The following MDGA2 variants were observed in gnomAD, a reference collection of about 807,000 sequenced individuals.
The protein encoded by MDGA2 is MAM domain-containing glycosylphosphatidylinositol anchor protein 2.
Under a neutral mutation model 117.8 loss-of-function variants are expected in MDGA2, and 40 were observed. That is an observed-to-expected ratio of 0.34 (90% CI 0.26 to 0.44). The LOEUF (loss-of-function observed/expected upper bound fraction) is 0.44, where lower values mean the gene tolerates loss of function less well. Ranked by LOEUF, MDGA2 falls within the 20% of genes least tolerant of loss-of-function variation. The pLI is 1.00. For synonymous variants in MDGA2, 452 were observed against 439.0 expected, an observed-to-expected ratio of 1.03 and a Z score of -0.37; for missense variants, 1,123 against 1,250.6, an observed-to-expected ratio of 0.90 and a Z score of 1.54.
intron 1 of MDGA2, among the ~76,000 whole-genome samples, chr14:47,432,346 T>A (rs549587110): frequency 6.6e-6 from 1 of 152,266 alleles, no homozygotes; most frequent in Admixed American, 6.6e-5. Context: ...TGTCTAGCAG[T>A]TGAAATGTGT....
chr14:47,334,950 A>T (rs1459482312), intron 1 of MDGA2, among the ~76,000 whole-genome samples: 1 of 151,968 alleles, frequency 6.6e-6, no homozygotes, highest in Non-Finnish European at 1.5e-5. Context: ...TGTGAATTGC[A>T]TAACTGCTAA....
Position 47,193,293 on chromosome 14 carries a change from T to G in MDGA2, c.595+24728A>C, listed in dbSNP as rs113140428. Among the ~76,000 whole-genome samples, 493 of 152,334 alleles carry G rather than the reference T, an allele frequency of 3.2e-3. 3 individuals carry two copies. The highest frequency in any genetic ancestry group is 0.011 in the African/African-American group (464 of 41,588). On this transcript the variant is annotated intron_variant, in intron 3 of 16. Transcript: ENST00000399232. ...AATGTAGCATCTTACCTTATTATAT[T>G]GTTTAATACTTGTCATCACATTGTA...
intron 3 of MDGA2, among the ~76,000 whole-genome samples, chr14:47,172,264 T>C (rs997720575): frequency 2.6e-5 from 4 of 152,086 alleles, no homozygotes; most frequent in Non-Finnish European, 5.9e-5. Context: ...CAGACTTAAC[T>C]GTCCCTGTCC....
intron 6 of MDGA2, among the ~76,000 whole-genome samples, chr14:47,082,123 T>C (rs1306939983): frequency 6.6e-6 from 1 of 152,232 alleles, no homozygotes; most frequent in South Asian, 2.1e-4. Context: ...CAAATACTCA[T>C]ACAAAGTTAG....
At chr14:47,512,899 T>A (rs938737900) in intron 1 of MDGA2, among the ~76,000 whole-genome samples, 1 of 147,358 alleles carries the variant, frequency 6.8e-6, no homozygotes, top group Non-Finnish European at 1.5e-5. Context: ...TCTGCTGCGT[T>A]TATACACAAT....
intron 1 of MDGA2, among the ~76,000 whole-genome samples, chr14:47,390,822 G>A (rs1891877497): frequency 1.3e-5 from 2 of 152,066 alleles, no homozygotes; most frequent in South Asian, 2.1e-4. Flanking sequence ...TGGTTTCCGG[G>A]ACACCAGTTT....
intron 10 of MDGA2, among the ~76,000 whole-genome samples, chr14:46,900,622 G>A (rs1883247636): frequency 6.6e-6 from 1 of 152,106 alleles, no homozygotes. Flanking sequence ...AATAGGTATT[G>A]CATAATTCCA....
chr14:47,573,109 T>G (rs1241910437), intron 1 of MDGA2, among the ~76,000 whole-genome samples: 1 of 152,262 alleles, frequency 6.6e-6, no homozygotes, highest in East Asian at 1.9e-4. Context: ...TTCTCTAATT[T>G]AATGCGTAAT....
intron 1 of MDGA2, among the ~76,000 whole-genome samples, chr14:47,525,838 G>C (rs1009119338): frequency 1.3e-5 from 2 of 149,694 alleles, no homozygotes; most frequent in Non-Finnish European, 3.0e-5. Flanking sequence ...CTTTGGATTT[G>C]TGGCTTAATC....
intron 1 of MDGA2, among the ~76,000 whole-genome samples, chr14:47,455,511 A>G (rs1333086565): frequency 2.0e-5 from 3 of 152,174 alleles, no homozygotes; most frequent in Non-Finnish European, 4.4e-5. Context: ...GTCTCAAAAA[A>G]GCATAGGGGA....
rs2048399420 is a variant in MDGA2 at position 46,920,888 on chromosome 14, A to C, written c.2090-728T>G. Among the ~76,000 whole-genome samples the C allele has an allele frequency of 2.0e-5, 3 of 152,216 alleles. No individual in the cohort carries two copies. In the South Asian group the frequency reaches 6.2e-4, roughly 32 times the overall value. ...AAGTGAACTTAATAAAACTTAAAAC[A>C]ATTAATTAATAAAAGATCTGGTCAA... On this transcript the variant is annotated intron_variant, in intron 9 of 16. Coordinates refer to ENST00000399232, the MANE Select transcript of MDGA2 (RefSeq NM_001113498.3).
intron 1 of MDGA2, among the ~76,000 whole-genome samples, chr14:47,345,753 T>C (rs950329841): frequency 6.6e-6 from 1 of 152,122 alleles, no homozygotes; most frequent in Admixed American, 6.5e-5. Flanking sequence ...ATACTAGACA[T>C]TTCATATTCA....
rs371562267 is a variant in MDGA2, at chr14:47,453,666, CA to C, written c.281-152117del. On this transcript the variant is annotated intron_variant, in intron 1 of 16. Transcript: ENST00000399232. ...GGTTTGAAATCTCATAATTTCAAGC[CA>C]AAAAAGTAAAGATCTTATGGATATT... Among the ~76,000 whole-genome samples the C allele has an allele frequency of 3.9e-3, 589 of 151,948 alleles. 7 individuals carry two copies. The highest frequency in any genetic ancestry group is 0.014 in the African/African-American group (560 of 41,428).
At chr14:47,057,664 T>C (rs75908419) in intron 7 of MDGA2, among the ~76,000 whole-genome samples, 1 of 55,974 alleles carries the variant, frequency 1.8e-5, no homozygotes, top group African/African-American at 6.8e-5. Flanking sequence ...CTCCCCTCCT[T>C]TCCCCTCCCT....
intron 8 of MDGA2, among the ~76,000 whole-genome samples, chr14:47,007,669 A>G (rs570217493): frequency 6.6e-6 from 1 of 151,944 alleles, no homozygotes; most frequent in Admixed American, 6.6e-5. Context: ...CTCCAAGATT[A>G]GAAAATTAAA....
intron 2 of MDGA2, among the ~76,000 whole-genome samples, chr14:47,297,725 G>A (rs1337156756): frequency 6.6e-6 from 1 of 152,038 alleles, no homozygotes; most frequent in Non-Finnish European, 1.5e-5. Context: ...AAGCTAAAAA[G>A]GCTAATTAAC....
At position 46,989,339 on chromosome 14, in the gene MDGA2, T is replaced by C. The variant is rs796087629; in HGVS notation, c.1820-31696A>G. Among the ~76,000 whole-genome samples, 52 of 145,578 alleles carry C rather than the reference T, an allele frequency of 3.6e-4. 1 individual carries two copies. The highest frequency in any genetic ancestry group is 1.2e-3 in the African/African-American group (46 of 39,692). On this transcript the variant is annotated intron_variant, in intron 8 of 16. Transcript: ENST00000399232. ...CTGCACTGGAAAAAAAAAAGGGGGG[T>C]ATCCTTGTGAAGACAATAAAAAAGA...
intron 6 of MDGA2, among the ~76,000 whole-genome samples, chr14:47,070,025 G>A (rs1040372995): frequency 1.3e-5 from 2 of 151,652 alleles, no homozygotes; most frequent in Non-Finnish European, 2.9e-5. Flanking sequence ...TTTTGGGTGG[G>A]GTGGGGTTAT....
chr14:47,390,903 A>T (rs993475443), intron 1 of MDGA2, among the ~76,000 whole-genome samples: 3 of 152,084 alleles, frequency 2.0e-5, no homozygotes, highest in African/African-American at 7.2e-5. Context: ...TTCCTACCAT[A>T]GAATGGACCA....
Sources: gnomAD v4.1 joint callset for allele counts (sites outside exome capture counted in the v4.1 genomes callset) on GRCh38, gnomAD v4.1.1 for gene constraint, MANE v1.5 for transcripts, NCBI Gene and HGNC (gene_info 2026-07-23, HGNC 2026-07-21) for gene names.